DYNC2I2: variants seen among roughly 807,000 people sequenced by gnomAD.
The protein encoded by DYNC2I2 is cytoplasmic dynein 2 intermediate chain 2.
In DYNC2I2, 39 loss-of-function variants were observed where a neutral mutation model predicts 52.0. That is an observed-to-expected ratio of 0.75 (90% CI 0.58 to 0.98). DYNC2I2 has a LOEUF of 0.98. Ranked by LOEUF, DYNC2I2 falls within the 50% of genes least tolerant of loss-of-function variation. DYNC2I2 has a pLI of 0.00. For synonymous variants in DYNC2I2, 359 were observed against 321.1 expected (o/e 1.12, Z -1.26); for missense variants, 743 against 728.4 (o/e 1.02, Z -0.23).
chr9:128,671,839 G>A, the DYNC2I2 span, among the ~76,000 whole-genome samples: 1 of 150,668 alleles, frequency 6.6e-6, no homozygotes, highest in African/African-American at 2.4e-5. Flanking sequence ...ATTTTTAGTA[G>A]AGACGGGGTT....
At chr9:128,649,244 A>C (rs1343139911) in intron 1 of DYNC2I2, among the ~76,000 whole-genome samples, 3 of 152,052 alleles carry the variant, frequency 2.0e-5, no homozygotes, top group Non-Finnish European at 4.4e-5. Flanking sequence ...CAGTTGTTCA[A>C]TACCAGCTGG....
chr9:128,669,870 G>A, the DYNC2I2 span, among the ~76,000 whole-genome samples: 32 of 152,218 alleles, frequency 2.1e-4, no homozygotes, highest in East Asian at 5.4e-3. Flanking sequence ...TAGTAAAGAC[G>A]GGGTTTCACT....
At chr9:128,674,534 G>A in the DYNC2I2 span, among the ~76,000 whole-genome samples, 1 of 151,980 alleles carries the variant, frequency 6.6e-6, no homozygotes, top group Non-Finnish European at 1.5e-5. Flanking sequence ...ACAAGGTAAG[G>A]AGTTCGAGAC....
chr9:128,663,649 C>CTTTTTTTTTTTTTTTTTTTT, the DYNC2I2 span: 4 of 77,126 alleles, frequency 5.2e-5, no homozygotes, highest in Non-Finnish European at 8.0e-5. Context: ...TAGTTTTTTT[C>CTTTTTTTTTTTTTTTTTTTT]TTTTTTTTTT....
At chr9:128,657,926 CA>C (rs890166922), upstream of DYNC2I2, among the ~76,000 whole-genome samples, 11 of 151,538 alleles carry the variant, frequency 7.3e-5, no homozygotes, top group East Asian at 1.7e-3. Context: ...TCCCTCTCTA[CA>C]AAAAAAAATT....
At chr9:128,673,708 G>T in the DYNC2I2 span, among the ~76,000 whole-genome samples, 1 of 151,540 alleles carries the variant, frequency 6.6e-6, no homozygotes, top group African/African-American at 2.4e-5. Flanking sequence ...GGGTTTCACC[G>T]TGTTAGCAAG....
At chr9:128,663,649 C>CTTTTTTTTTTTTTTTTTTTTT in the DYNC2I2 span, 2 of 77,128 alleles carry the variant, frequency 2.6e-5, no homozygotes, top group East Asian at 3.3e-4. Flanking sequence ...TAGTTTTTTT[C>CTTTTTTTTTTTTTTTTTTTTT]TTTTTTTTTT....
chr9:128,683,579 C>T, the DYNC2I2 span: 24 of 286,514 alleles, frequency 8.4e-5, no homozygotes, highest in South Asian at 1.1e-3. Context: ...GGGGGTTTCA[C>T]GTGAAACCAG....
the DYNC2I2 span, among the ~76,000 whole-genome samples, chr9:128,670,086 G>GTCAAGA: frequency 1.3e-5 from 2 of 151,874 alleles, no homozygotes; most frequent in African/African-American, 4.8e-5. Context: ...ATTGCACTAA[G>GTCAAGA]TCAAGATCTT....
Position 128,635,777 on chromosome 9 carries a change from C to G in DYNC2I2, c.704-10G>C. 6.2e-7 allele frequency: 1 copy of G among 1,606,758 alleles called. No individual in the cohort carries two copies. Among genetic ancestry groups the G allele is most frequent in the Non-Finnish European group, 8.5e-7 (1 of 1,176,284 alleles). On this transcript the variant is annotated splice_polypyrimidine_tract_variant and intron_variant, in intron 4 of 8. Transcript: ENST00000372715. ...CCACTGTACAGCCCTCCTGCAGGGA[C>G]AGTGGACCTGGGCAGAGGCTCAGCC...
chr9:128,676,447 G>C, the DYNC2I2 span, among the ~76,000 whole-genome samples: 2 of 151,972 alleles, frequency 1.3e-5, no homozygotes, highest in Non-Finnish European at 2.9e-5. Flanking sequence ...CCTAGATCCT[G>C]CCATTACACT....
chr9:128,636,522 A>C, intron 3 of DYNC2I2, 84 bp from the exon 4 acceptor site: 1 of 1,469,482 alleles, frequency 6.8e-7, no homozygotes. Flanking sequence ...CTAGCCCCGG[A>C]CACACTCGCT....
chr9:128,640,577 G>A, intron 2 of DYNC2I2, 114 bp downstream of exon 2: 1 of 1,496,406 alleles, frequency 6.7e-7, no homozygotes, highest in Non-Finnish European at 8.9e-7. Flanking sequence ...TTAGAGCCTG[G>A]TGATTGCTGG....
the DYNC2I2 span, among the ~76,000 whole-genome samples, chr9:128,666,972 G>A: frequency 1.4e-4 from 22 of 151,826 alleles, no homozygotes; most frequent in Non-Finnish European, 2.4e-4. Flanking sequence ...AAGCAGAGGG[G>A]GGTGGATCAC....
the DYNC2I2 span, chr9:128,683,939 A>C: frequency 6.4e-7 from 1 of 1,556,924 alleles, no homozygotes; most frequent in Admixed American, 1.9e-5. Context: ...CAAAAGAAGA[A>C]ACCAAGACCA....
chr9:128,664,628 G>T, the DYNC2I2 span, among the ~76,000 whole-genome samples: 4 of 151,752 alleles, frequency 2.6e-5, no homozygotes, highest in African/African-American at 4.8e-5. Flanking sequence ...CGCTTTACAG[G>T]TGCCTGCCAC....
intron 4 of DYNC2I2, 130 bp downstream of exon 4, chr9:128,636,151 A>C: frequency 7.2e-7 from 1 of 1,388,256 alleles, no homozygotes; most frequent in Non-Finnish European, 1.0e-6. Context: ...CCTGGGCTCC[A>C]GACTGAGAGG....
At chr9:128,652,741 G>A (rs540733818) in intron 1 of DYNC2I2, among the ~76,000 whole-genome samples, 1 of 150,640 alleles carries the variant, frequency 6.6e-6, no homozygotes, top group African/African-American at 2.5e-5. Flanking sequence ...CCAACATGGA[G>A]AAACTCCCTC....
At chr9:128,683,086 C>G in the DYNC2I2 span, among the ~76,000 whole-genome samples, 6 of 151,404 alleles carry the variant, frequency 4.0e-5, no homozygotes, top group Non-Finnish European at 8.8e-5. Flanking sequence ...CCTCCACCTC[C>G]CAGGTTCAAG....
Sources: gnomAD v4.1 joint callset for allele counts (sites outside exome capture counted in the v4.1 genomes callset) on GRCh38, gnomAD v4.1.1 for gene constraint, MANE v1.5 for transcripts, NCBI Gene and HGNC (gene_info 2026-07-23, HGNC 2026-07-21) for gene names.